CWH43: variants seen among roughly 807,000 people sequenced by gnomAD.
CWH43 encodes the protein PGAP2-interacting protein.
CWH43 carries 91 observed loss-of-function variants against 85.7 expected under a neutral mutation model. That is an observed-to-expected ratio of 1.06 (90% confidence interval 0.90 to 1.26). CWH43 has a LOEUF of 1.26. Ranked by LOEUF, CWH43 falls within the 50% of genes most tolerant of loss-of-function variation. The pLI is 0.00. For missense variants in CWH43, 869 were observed against 839.2 expected (o/e 1.04, Z -0.44); for synonymous variants, 323 against 293.6 (o/e 1.10, Z -1.02).
chr4:49,058,811 T>C (rs929051789), intron 15 of CWH43, among the ~76,000 whole-genome samples: 3 of 152,268 alleles, frequency 2.0e-5, no homozygotes, highest in African/African-American at 7.2e-5. Context: ...GCAAGGTTTC[T>C]ACTGAGAAAC....
At chr4:48,996,370 T>C (rs1461193473) in intron 5 of CWH43, among the ~76,000 whole-genome samples, 1 of 152,142 alleles carries the variant, frequency 6.6e-6, no homozygotes, top group Admixed American at 6.6e-5. Context: ...TATTCTGTAT[T>C]ACAGATTTTA....
At chr4:49,015,805 A>G (rs1419869725) in intron 8 of CWH43, among the ~76,000 whole-genome samples, 3 of 152,006 alleles carry the variant, frequency 2.0e-5, no homozygotes, top group Non-Finnish European at 4.4e-5. Flanking sequence ...TTGAGTTTCT[A>G]ATTTCAATTA....
chr4:48,991,420 C>T lies in CWH43; in HGVS notation c.236-34C>T, dbSNP rs557123358. The T allele has an allele frequency of 2.1e-5, 34 of 1,612,026 alleles. No homozygotes were observed. The Admixed American group carries it at 3.9e-4, about 18-fold the overall frequency. On this transcript the variant is annotated intron_variant, in intron 2 of 15. Transcript: ENST00000226432. ...TCACGGAGTTCCAATCCATACTTGC[C>T]AGAAATGCTTAGCTCTCCCTATTTT...
chr4:49,020,475 T>C (rs746893202), intron 9 of CWH43, among the ~76,000 whole-genome samples: 5 of 151,822 alleles, frequency 3.3e-5, no homozygotes, highest in Non-Finnish European at 7.4e-5. Flanking sequence ...GCATTTGGGC[T>C]GGTACTATAT....
At chr4:49,047,685 G>A (rs891442950) in intron 14 of CWH43, among the ~76,000 whole-genome samples, 17 of 152,080 alleles carry the variant, frequency 1.1e-4, no homozygotes, top group Non-Finnish European at 1.8e-4. Flanking sequence ...TTGGGGTGGA[G>A]TGGGGTGAGG....
At chr4:49,027,743 A>G (rs895616371) in intron 9 of CWH43, among the ~76,000 whole-genome samples, 1 of 152,186 alleles carries the variant, frequency 6.6e-6, no homozygotes, top group South Asian at 2.1e-4. Context: ...ATTATTGACT[A>G]TAGTCACCTT....
At chr4:49,061,715 G>A in intron 15 of CWH43, 97 bp from the exon 16 acceptor site, 3 of 1,024,080 alleles carry the variant, frequency 2.9e-6, no homozygotes, top group South Asian at 4.3e-5. Flanking sequence ...TTATTCATTT[G>A]CTATTTTATT....
intron 8 of CWH43, among the ~76,000 whole-genome samples, chr4:49,014,465 A>G (rs10222921): frequency 0.58 from 86,874 of 149,470 alleles, 28,271 homozygotes; most frequent in Admixed American, 0.75. Context: ...ACTCAAAAAA[A>G]AAAAAAAAAA....
intron 8 of CWH43, among the ~76,000 whole-genome samples, chr4:49,009,733 T>A (rs1783290967): frequency 6.6e-6 from 1 of 152,164 alleles, no homozygotes; most frequent in African/African-American, 2.4e-5. Context: ...ATTGAGATAA[T>A]CACGTGGTTT....
chr4:48,994,682 G>C lies in CWH43; in HGVS notation c.575G>C (p.Arg192Thr). 6.2e-7 allele frequency: 1 copy of C among 1,614,210 alleles called. No homozygotes were observed. Residue 192 changes from arginine (R) to threonine (T), a missense_variant, in exon 5 of 16, where the codon AGA becomes ACA. Physicochemically the swap from Arg to Thr is moderately conservative, Grantham distance 71. Around this residue, in one of 3 missense-constraint regions of CWH43, gnomAD observed 152 missense variants for 203.6 expected, o/e 0.75. Coordinates refer to ENST00000226432, the MANE Select transcript of CWH43 (RefSeq NM_025087.3). Reference protein sequence around the residue: ...TGEVATGMASRPNWLLAGAAF... With the variant: ...TGEVATGMASTPNWLLAGAAF... ...GAGGTAGCCACGGGGATGGCCTCTA[G>C]ACCCAACTGGCTGCTGGCAGGGGCT... is the stretch of plus-strand genomic sequence containing the variant.
intron 9 of CWH43, among the ~76,000 whole-genome samples, chr4:49,027,859 G>C (rs962989367): frequency 5.9e-5 from 9 of 152,046 alleles, no homozygotes; most frequent in African/African-American, 2.2e-4. Flanking sequence ...GTAATCATTT[G>C]AGATGGATAC....
At chr4:48,987,728 G>C (rs545918810) in intron 1 of CWH43, among the ~76,000 whole-genome samples, 1 of 152,304 alleles carries the variant, frequency 6.6e-6, no homozygotes, top group South Asian at 2.1e-4. Context: ...AGATTATACA[G>C]CAGCTGTTGG....
chr4:49,002,855 C>T (rs1783036827), intron 6 of CWH43, among the ~76,000 whole-genome samples: 1 of 152,156 alleles, frequency 6.6e-6, no homozygotes, highest in South Asian at 2.1e-4. Flanking sequence ...TGACTGGGGC[C>T]ACTTTCTGCT....
intron 7 of CWH43, among the ~76,000 whole-genome samples, chr4:49,005,899 C>A (rs1180789627): frequency 1.3e-5 from 2 of 152,166 alleles, no homozygotes; most frequent in African/African-American, 4.8e-5. Context: ...TGCTTTTCTA[C>A]CCCACGAGCT....
At position 48,992,105 on chromosome 4, in the gene CWH43, T is replaced by G; in HGVS notation, c.511+15T>G. On this transcript the variant is annotated intron_variant, in intron 4 of 15. Transcript: ENST00000226432. The surrounding 1 kb of genome is among the most constrained non-coding windows in gnomAD (Gnocchi z 4.3). Reference sequence around the variant, plus strand: ...TATTGGCACAGGTAATACTGTAACTTAGGAATTTTCTCTTTGCAGAGCTTA... The same window carrying G: ...TATTGGCACAGGTAATACTGTAACTGAGGAATTTTCTCTTTGCAGAGCTTA... The G allele has an allele frequency of 6.2e-7, 1 of 1,601,282 alleles. No individual in the cohort carries two copies. The highest frequency in any genetic ancestry group is 8.5e-7 in the Non-Finnish European group (1 of 1,171,464).
chr4:48,986,517 C>T (rs1782499996), intron 1 of CWH43, 45 bp downstream of exon 1: 1 of 1,549,322 alleles, frequency 6.5e-7, no homozygotes, highest in Non-Finnish European at 8.7e-7. Context: ...GCCAGCTCCC[C>T]GGGCCATGTC....
intron 11 of CWH43, among the ~76,000 whole-genome samples, chr4:49,032,346 A>G (rs1784123583): frequency 6.6e-6 from 1 of 152,214 alleles, no homozygotes; most frequent in African/African-American, 2.4e-5. Flanking sequence ...TTATTAAAAC[A>G]GAGTTGATGG....
At chr4:49,039,972 A>G (rs1304082674) in intron 13 of CWH43, among the ~76,000 whole-genome samples, 1 of 151,364 alleles carries the variant, frequency 6.6e-6, no homozygotes, top group African/African-American at 2.4e-5. Context: ...TTCAGTTCCC[A>G]CCAATGAGTG....
intron 9 of CWH43, among the ~76,000 whole-genome samples, chr4:49,023,675 T>C (rs1783818359): frequency 6.6e-6 from 1 of 152,134 alleles, no homozygotes; most frequent in Non-Finnish European, 1.5e-5. Context: ...CTGCACCCGG[T>C]TGATTTCTAA....
Sources: gnomAD v4.1 joint callset for allele counts (sites outside exome capture counted in the v4.1 genomes callset) on GRCh38, gnomAD v4.1.1 for gene constraint, gnomAD v4.1.1 regional missense constraint, Gnocchi (gnomAD v3.1) non-coding constraint, MANE v1.5 for transcripts, NCBI Gene and HGNC (gene_info 2026-07-23, HGNC 2026-07-21) for gene names.